The following GRIN2A variants were observed in gnomAD, a reference collection of about 807,000 sequenced individuals.
The protein encoded by GRIN2A is glutamate receptor ionotropic, NMDA 2A.
Under a neutral mutation model 113.4 loss-of-function variants are expected in GRIN2A, and 22 were observed. That is an observed-to-expected ratio of 0.19 (90% CI 0.14 to 0.28). GRIN2A has a LOEUF of 0.28. Among genes scored for constraint, GRIN2A ranks in the 10% least tolerant of loss-of-function variants. GRIN2A has a pLI of 1.00. For missense variants in GRIN2A, 1,502 were observed against 1,887.0 expected, an observed-to-expected ratio of 0.80 and a Z score of 3.78; for synonymous variants, 827 against 738.4, an observed-to-expected ratio of 1.12 and a Z score of -1.94.
rs540077510 is a variant in GRIN2A at position 9,924,315 on chromosome 16, T to C, written c.1007+13644A>G. On this transcript the variant is annotated intron_variant, in intron 3 of 12. Transcript: ENST00000330684. ...CAGTTATTCTATTCTAAAAAGTATT[T>C]CATTTTCACTGTGGAAAGATATTAT... 3.9e-5 allele frequency among the ~76,000 whole-genome samples: 6 copies of C among 152,288 alleles called. No homozygotes were observed. In the East Asian group the frequency reaches 5.8e-4, roughly 15 times the overall value.
intron 8 of GRIN2A, among the ~76,000 whole-genome samples, chr16:9,830,309 T>C (rs2042467842): frequency 6.6e-6 from 1 of 152,182 alleles, no homozygotes. Flanking sequence ...TCACAGCACT[T>C]TTTCCAGTAT....
intron 9 of GRIN2A, among the ~76,000 whole-genome samples, chr16:9,826,285 G>A (rs996251415): frequency 1.4e-4 from 22 of 152,268 alleles, no homozygotes; most frequent in African/African-American, 5.3e-4. Context: ...CTGCCTCCCA[G>A]AGATGGATTT....
intron 3 of GRIN2A, among the ~76,000 whole-genome samples, chr16:9,912,924 C>T (rs948964313): frequency 3.9e-5 from 6 of 152,352 alleles, no homozygotes; most frequent in Admixed American, 1.3e-4. Context: ...CCCAAATAGT[C>T]TCCACATAGA....
In GRIN2A at chr16:9,938,029, T is replaced by G. The variant is rs1465063447; in HGVS notation, c.937A>C (p.Ile313Leu). ...TAGCAGCTGGCCTTGGCCTCGGGGA[T>G]GTAGGAGAACTTCTCCAGCATAGAA... is the stretch of plus-strand genomic sequence containing the variant. ...ASSMLEKFSY[I>L]PEAKASCYGQ... Residue 313 changes from isoleucine to leucine, a missense_variant, in exon 3 of 13, where the codon ATC becomes CTC. Physicochemically the swap from Ile to Leu is conservative, Grantham distance 5 (BLOSUM62 2). Coordinates refer to ENST00000330684, the MANE Select transcript of GRIN2A (RefSeq NM_001134407.3). 8.1e-6 allele frequency: 13 copies of G among 1,613,930 alleles called. No individual in the cohort carries two copies. The highest frequency in any genetic ancestry group is 1.1e-5 in the Non-Finnish European group (13 of 1,179,972).
chr16:10,121,785 C>T (rs1344006441), intron 2 of GRIN2A, among the ~76,000 whole-genome samples: 3 of 152,012 alleles, frequency 2.0e-5, no homozygotes, highest in Non-Finnish European at 4.4e-5. Context: ...ACCTGTTCTC[C>T]CCAGGAAAGG....
intron 2 of GRIN2A, among the ~76,000 whole-genome samples, chr16:9,944,795 G>A (rs1402183106): frequency 2.6e-5 from 4 of 152,132 alleles, no homozygotes; most frequent in Admixed American, 6.5e-5. Context: ...GGGCAGGAAA[G>A]GATCCCATGC....
chr16:9,814,216 C>G (rs540340911), intron 10 of GRIN2A, among the ~76,000 whole-genome samples: 1 of 152,276 alleles, frequency 6.6e-6, no homozygotes, highest in Admixed American at 6.5e-5. Context: ...TTTAAATTCT[C>G]CCCTGAACCA....
At chr16:10,059,191 A>G (rs1405032572) in intron 2 of GRIN2A, among the ~76,000 whole-genome samples, 44 of 152,220 alleles carry the variant, frequency 2.9e-4, no homozygotes, top group Non-Finnish European at 1.5e-5. Flanking sequence ...TGGGCCCCAC[A>G]GACTATGGGA....
intron 4 of GRIN2A, among the ~76,000 whole-genome samples, chr16:9,888,322 G>C (rs1019758544): frequency 7.2e-5 from 11 of 152,260 alleles, no homozygotes; most frequent in Admixed American, 3.3e-4. Flanking sequence ...ACTGCTTAAT[G>C]GTTTTTCATA....
intron 2 of GRIN2A, among the ~76,000 whole-genome samples, chr16:10,092,756 CG>C (rs903599628): frequency 7.2e-5 from 11 of 152,052 alleles, no homozygotes; most frequent in African/African-American, 2.4e-4. Flanking sequence ...TCAAACTAAA[CG>C]GTAACTCAAG....
At position 9,843,971 on chromosome 16, in the gene GRIN2A, T is replaced by C. The variant is rs149263419; in HGVS notation, c.1329-2867A>G. ...TCTTAGTATACATGGCTCTGAAAAA[T>C]GTGTCAAAATCGAATTCTCTTTTTC... On this transcript the variant is annotated intron_variant, in intron 5 of 12. Transcript: ENST00000330684. Among the ~76,000 whole-genome samples the C allele has an allele frequency of 1.1e-3, 167 of 152,230 alleles. 4 individuals carry two copies. In the South Asian group the frequency reaches 0.02, roughly 18 times the overall value.
At chr16:10,131,447 C>T (rs1036643980) in intron 2 of GRIN2A, among the ~76,000 whole-genome samples, 2 of 151,214 alleles carry the variant, frequency 1.3e-5, no homozygotes, top group Non-Finnish European at 1.5e-5. Flanking sequence ...CCTGCCGCTC[C>T]AGTCTCTTCT....
At chr16:10,141,108 C>G (rs577839952) in intron 2 of GRIN2A, among the ~76,000 whole-genome samples, 2 of 150,904 alleles carry the variant, frequency 1.3e-5, no homozygotes, top group Non-Finnish European at 3.0e-5. Flanking sequence ...GTGGGAGGAT[C>G]GCTTGAACCC....
intron 2 of GRIN2A, among the ~76,000 whole-genome samples, chr16:10,078,667 C>A (rs1448267): frequency 0.47 from 70,897 of 151,922 alleles, 17,665 homozygotes; most frequent in East Asian, 0.9. Flanking sequence ...TGCGAGGCAA[C>A]CTCGAGGCTG....
At chr16:9,943,379 CTG>C (rs753624151) in intron 2 of GRIN2A, 2 of 152,182 alleles carry the variant, frequency 1.3e-5, no homozygotes, top group Non-Finnish European at 2.9e-5. Flanking sequence ...GCTCTAGACT[CTG>C]TGTTTCAGTA....
rs1292504457 is a variant in GRIN2A, at chr16:10,061,486, C to CATAAA, written c.414+118511_414+118512insTTTAT. On this transcript the variant is annotated intron_variant, in intron 2 of 12. Transcript: ENST00000330684. ...AGATTCCTTTACATACTCATTTCCA[C>CATAAA]TCATTCACTCTGATTTAAATACAGT... Among the ~76,000 whole-genome samples, 6 of 152,302 alleles carry CATAAA rather than the reference C, an allele frequency of 3.9e-5. No individual in the cohort carries two copies. In the East Asian group the frequency reaches 1.2e-3, roughly 29 times the overall value.
At chr16:9,831,402 C>T (rs1204658025) in intron 8 of GRIN2A, among the ~76,000 whole-genome samples, 5 of 152,130 alleles carry the variant, frequency 3.3e-5, no homozygotes, top group Admixed American at 6.5e-5. Flanking sequence ...TCCCCGTCCC[C>T]GCTTCCAACT....
At chr16:9,850,345 C>G (rs2042861776) in intron 4 of GRIN2A, among the ~76,000 whole-genome samples, 1 of 152,164 alleles carries the variant, frequency 6.6e-6, no homozygotes, top group South Asian at 2.1e-4. Flanking sequence ...CACTTACTAG[C>G]TGTACTAGGC....
intron 4 of GRIN2A, among the ~76,000 whole-genome samples, chr16:9,874,012 C>T: frequency 6.6e-6 from 1 of 152,176 alleles, no homozygotes; most frequent in East Asian, 1.9e-4. Flanking sequence ...TTCTACAACT[C>T]CCTTTAAGGG....
Sources: allele counts gnomAD v4.1 joint callset (sites outside exome capture counted in the v4.1 genomes callset), GRCh38; gene constraint gnomAD v4.1.1; transcripts MANE v1.5; gene names NCBI Gene and HGNC (gene_info 2026-07-23, HGNC 2026-07-21).